The following CIITA variants were observed in gnomAD, a reference collection of about 807,000 sequenced individuals.
CIITA encodes class II major histocompatibility complex transactivator.
A neutral mutation model predicts 115.1 loss-of-function variants in CIITA; 72 were observed. The ratio of observed to expected loss-of-function variants is 0.63; its 90% CI spans 0.52 to 0.76. CIITA has a LOEUF of 0.76. CIITA is among the 30% of genes least tolerant of loss of function. The pLI, the probability that CIITA is intolerant of heterozygous loss-of-function variation, is 0.00. For synonymous variants in CIITA, 763 were observed against 635.6 expected (o/e 1.20, Z -3.02); for missense variants, 1,617 against 1,463.8 (o/e 1.10, Z -1.71).
Position 10,907,037 on chromosome 16 carries a change from C to G in CIITA, c.1545C>G (p.Cys515Trp). The G allele has an allele frequency of 6.2e-7, 1 of 1,607,694 alleles. No individual in the cohort carries two copies. Among genetic ancestry groups the G allele is most frequent in the Non-Finnish European group, 8.5e-7 (1 of 1,179,970 alleles). Reference protein sequence around the residue: ...EAQDGFLHSTCGPAPAEPCSL... With the variant: ...EAQDGFLHSTWGPAPAEPCSL... Reference sequence around the variant, plus strand: ...AAGATGGCTTCCTGCACAGCACGTGCGGACCGGCACCGGCGGAGCCCTGCT... The same window carrying G: ...AAGATGGCTTCCTGCACAGCACGTGGGGACCGGCACCGGCGGAGCCCTGCT... The change falls in exon 11 of 20, where the codon TGC (cysteine) becomes TGG (tryptophan). Residue 515 changes from cysteine to tryptophan, a missense_variant. Transcript: ENST00000324288. The surrounding 1 kb of genome is among the most constrained non-coding windows in gnomAD (Gnocchi z 5.0).
chr16:10,890,013 G>T (rs1458815987), intron 1 of CIITA, among the ~76,000 whole-genome samples: 1 of 152,208 alleles, frequency 6.6e-6, no homozygotes, highest in East Asian at 1.9e-4. Flanking sequence ...AACTCAGATG[G>T]TGTGGAGGAT....
chr16:10,921,766 C>A (rs2040284018), intron 16 of CIITA, among the ~76,000 whole-genome samples: 1 of 152,204 alleles, frequency 6.6e-6, no homozygotes, highest in African/African-American at 2.4e-5. Context: ...GAAGTGGTCT[C>A]AACTCTCTGG....
chr16:10,868,650 A>C (rs1200263214), intron 1 of CIITA, among the ~76,000 whole-genome samples: 1 of 152,002 alleles, frequency 6.6e-6, no homozygotes, highest in Non-Finnish European at 1.5e-5. Flanking sequence ...AGAAGCCAGA[A>C]CCTTCCTCTC....
intron 1 of CIITA, among the ~76,000 whole-genome samples, chr16:10,892,220 A>C (rs1482368172): frequency 6.6e-6 from 1 of 151,970 alleles, no homozygotes; most frequent in Non-Finnish European, 1.5e-5. Flanking sequence ...GCTACTTGGG[A>C]GGTTGAAGCA....
Position 10,922,195 on chromosome 16 carries a change from G to A in CIITA, c.3178G>A (p.Gly1060Arg). Residue 1060 changes from glycine (G) to arginine (R), a missense_variant, in exon 17 of 20, where the codon GGA becomes AGA. Coordinates refer to ENST00000324288, the MANE Select transcript of CIITA (RefSeq NM_000246.4). Reference sequence around the variant, plus strand: ...GTACAATAACTGCATCTGCGACGTGGGAGCCGAGAGCTTGGCTCGTGTGCT... The same window carrying A: ...GTACAATAACTGCATCTGCGACGTGAGAGCCGAGAGCTTGGCTCGTGTGCT... ...SLYNNCICDVGAESLARVLPD... is the reference protein window; with the variant it reads ...SLYNNCICDVRAESLARVLPD... The A allele has an allele frequency of 1.2e-6, 2 of 1,614,268 alleles. No individual in the cohort carries two copies. Among genetic ancestry groups the A allele is most frequent in the Non-Finnish European group, 1.7e-6 (2 of 1,180,054 alleles).
rs1332045197 is a variant in CIITA, at chr16:10,901,791, GC to G, written c.481+237del. ...ACAGATTGTTCATAGGTTCTATTCTGCCCCAGCTCTCCGTGTGGAGGCCCTA... is the reference window on the plus strand; with the variant it reads ...ACAGATTGTTCATAGGTTCTATTCTGCCCAGCTCTCCGTGTGGAGGCCCTA... On this transcript the variant is annotated intron_variant, in intron 6 of 19. Transcript: ENST00000324288. The surrounding 1 kb of genome is among the most constrained non-coding windows in gnomAD (Gnocchi z 6.8). 1.5e-6 allele frequency: 1 copy of G among 671,264 alleles called. No individual in the cohort carries two copies. Among genetic ancestry groups the G allele is most frequent in the South Asian group, 1.8e-5 (1 of 54,856 alleles). 41.6% of individuals were successfully genotyped at this position (671,264 alleles called of 1,614,324 possible). A position where few individuals can be genotyped will look rare whatever the true frequency, so the allele number is the denominator to read the frequency against.
At chr16:10,873,753 A>C (rs1156795854), upstream of CIITA, among the ~76,000 whole-genome samples, 1 of 152,100 alleles carries the variant, frequency 6.6e-6, no homozygotes, top group Non-Finnish European at 1.5e-5. Flanking sequence ...GGCAACCTTA[A>C]TGATGGTTCT....
upstream of CIITA, among the ~76,000 whole-genome samples, chr16:10,875,959 G>A (rs1051738971): frequency 6.6e-6 from 1 of 152,034 alleles, no homozygotes; most frequent in East Asian, 1.9e-4. Context: ...GAAAGAGCGC[G>A]ACTCCGTCTC....
rs776624117 is a variant in CIITA, at chr16:10,895,394, C to T, written c.165C>T (p.Asp55=). The T allele has an allele frequency of 8.1e-6, 13 of 1,614,080 alleles. No individual in the cohort carries two copies. In the South Asian group the frequency reaches 1.4e-4, roughly 18 times the overall value. The change falls in exon 2 of 20, where the codon GAC becomes GAT. Residue 55 remains aspartate, a synonymous_variant. Transcript: ENST00000324288. ...TCTACCACTTCTATGACCAGATGGA[C>T]CTGGCTGGAGAAGAAGAGATTGAGC... ...LCLYHFYDQM[D]LAGEEEIELY... is the part of the protein sequence containing the mutation.
In CIITA at chr16:10,895,386, C is replaced by T. The variant is rs746295745; in HGVS notation, c.157C>T (p.Gln53Ter). ...DPLCLYHFYD[Q>*]MDLAGEEEIE... The stretch of plus-strand genomic sequence containing the variant: ...CCTGTGCCTCTACCACTTCTATGAC[C>T]AGATGGACCTGGCTGGAGAAGAAGA... The change falls in exon 2 of 20, where the codon CAG (glutamine) becomes TAG (stop). Residue 53 changes from glutamine (Q) to a stop codon, truncating the protein, a stop_gained. Transcript: ENST00000324288. LOFTEE classifies it high-confidence loss of function. The T allele has an allele frequency of 6.2e-7, 1 of 1,614,086 alleles. No individual in the cohort carries two copies.
upstream of CIITA, among the ~76,000 whole-genome samples, chr16:10,876,438 G>A (rs906653806): frequency 3.3e-5 from 5 of 152,254 alleles, no homozygotes; most frequent in Non-Finnish European, 7.3e-5. Flanking sequence ...ACTGTTGACT[G>A]TAGAAGGCTC....
At chr16:10,897,708 A>G (rs1341225636) in intron 3 of CIITA, among the ~76,000 whole-genome samples, 1 of 152,234 alleles carries the variant, frequency 6.6e-6, no homozygotes, top group East Asian at 1.9e-4. Flanking sequence ...TGAATAAGTT[A>G]CAATGTGTAA....
intron 1 of CIITA, among the ~76,000 whole-genome samples, chr16:10,892,064 C>A (rs141894405): frequency 6.6e-6 from 1 of 152,294 alleles, no homozygotes; most frequent in African/African-American, 2.4e-5. Flanking sequence ...TGGCTCACAC[C>A]TGTAATCCCA....
intron 1 of CIITA, among the ~76,000 whole-genome samples, chr16:10,890,887 C>T (rs955990338): frequency 3.3e-5 from 5 of 152,126 alleles, no homozygotes; most frequent in African/African-American, 4.8e-5. Flanking sequence ...AATTATTATT[C>T]GCATTTTATA....
rs373488902 is a variant in CIITA, at chr16:10,907,584, C to G, written c.2092C>G (p.Pro698Ala). ...WAMAKGLVQH[P>A]PRAAESELAF... ...GATGGCCAAAGGCTTAGTCCAACACCCACCGCGGGCCGCAGAGTCCGAGCT... is the reference window on the plus strand; with the variant it reads ...GATGGCCAAAGGCTTAGTCCAACACGCACCGCGGGCCGCAGAGTCCGAGCT... Residue 698 changes from proline to alanine, a missense_variant, in exon 11 of 20, where the codon CCA becomes GCA. By Grantham distance (27) the Pro-to-Ala change is conservative. Transcript: ENST00000324288. This position sits in a 1 kb window ranked among gnomAD's most constrained non-coding sequence, Gnocchi z 5.0. The G allele has an allele frequency of 6.2e-7, 1 of 1,614,200 alleles. No individual in the cohort carries two copies. Among genetic ancestry groups the G allele is most frequent in the Non-Finnish European group, 8.5e-7 (1 of 1,180,036 alleles).
chr16:10,883,111 G>C (rs1037392905), intron 1 of CIITA, among the ~76,000 whole-genome samples: 1 of 152,172 alleles, frequency 6.6e-6, no homozygotes, highest in African/African-American at 2.4e-5. Flanking sequence ...ACCCAGCAGA[G>C]TGCTGGCGGG....
intron 8 of CIITA, 87 bp from the exon 9 acceptor site, chr16:10,903,644 C>G: frequency 7.1e-7 from 1 of 1,412,928 alleles, no homozygotes; most frequent in Non-Finnish European, 1.0e-6. Context: ...CTGAGCTCCA[C>G]AGCCCAGTTT....
chr16:10,888,169 G>C (rs2037150394), intron 1 of CIITA: 1 of 152,216 alleles, frequency 6.6e-6, no homozygotes, highest in Non-Finnish European at 1.5e-5. Flanking sequence ...TTAAGCTACT[G>C]TTCATTGAGC....
Position 10,909,062 on chromosome 16 carries a change from G to A in CIITA, c.2691G>A (p.Glu897=), listed in dbSNP as rs764994021. 5.6e-6 allele frequency: 9 copies of A among 1,614,036 alleles called. No homozygotes were observed. In the African/African-American group the frequency reaches 6.7e-5, roughly 12 times the overall value. Residue 897 remains glutamate (E), a synonymous_variant, in exon 12 of 20, where the codon GAG becomes GAA. Coordinates refer to ENST00000324288, the MANE Select transcript of CIITA (RefSeq NM_000246.4). ...TGAGCGACACGGTGGCGCTGTGGGA[G>A]TCCCTGCAGCAGCATGGGGAGACCA... The part of the protein sequence containing the change: ...AALSDTVALW[E]SLQQHGETKL...
Sources: gnomAD v4.1 joint callset for allele counts (sites outside exome capture counted in the v4.1 genomes callset) on GRCh38, gnomAD v4.1.1 for gene constraint, Gnocchi (gnomAD v3.1) non-coding constraint, MANE v1.5 for transcripts, NCBI Gene and HGNC (gene_info 2026-07-23, HGNC 2026-07-21) for gene names.